Variants in MTOR observed in about 807,000 individuals in gnomAD.
MTOR encodes serine/threonine-protein kinase mTOR.
In MTOR, 70 loss-of-function variants were observed where a neutral mutation model predicts 319.8. That is an observed-to-expected ratio of 0.22 (90% CI 0.18 to 0.27). The LOEUF is 0.27. Among genes scored for constraint, MTOR ranks in the 10% least tolerant of loss-of-function variants. The pLI is 1.00. For missense variants in MTOR, 1,890 were observed against 3,274.4 expected, an observed-to-expected ratio of 0.58 and a Z score of 10.32; for synonymous variants, 1,183 against 1,211.4, an observed-to-expected ratio of 0.98 and a Z score of 0.49.
In MTOR at chr1:11,107,441, C is replaced by A. The variant is rs1164885056; in HGVS notation, c.*44G>T. 6.2e-7 allele frequency: 1 copy of A among 1,600,730 alleles called. No homozygotes were observed. The highest frequency in any genetic ancestry group is 1.1e-5 in the South Asian group (1 of 87,780). ...TTTAGTGGAAGCATTTACTAAAGTA[C>A]AAAAGCCTCAGAAAAAACGTGATGG... On this transcript the variant is annotated 3_prime_UTR_variant, in exon 58 of 58. Transcript: ENST00000361445.
chr1:11,247,377 A>C (rs1014706123), intron 8 of MTOR, among the ~76,000 whole-genome samples: 1 of 152,160 alleles, frequency 6.6e-6, no homozygotes, highest in Non-Finnish European at 1.5e-5. Context: ...TCTACTTGTG[A>C]ACTTGTTGGC....
chr1:11,246,302 G>C (rs993054720), intron 8 of MTOR, among the ~76,000 whole-genome samples: 5 of 152,196 alleles, frequency 3.3e-5, no homozygotes, highest in African/African-American at 1.2e-4. Flanking sequence ...CAAGGGTAAT[G>C]TGCCAGACTT....
chr1:11,254,067 C>A, intron 5 of MTOR, 94 bp from the exon 6 acceptor site: 1 of 1,444,054 alleles, frequency 6.9e-7, no homozygotes, highest in East Asian at 2.3e-5. Context: ...TTCTGAGGTG[C>A]TACCACGCCT....
intron 25 of MTOR, among the ~76,000 whole-genome samples, chr1:11,208,987 C>T (rs905865778): frequency 1.3e-5 from 2 of 152,222 alleles, no homozygotes; most frequent in African/African-American, 4.8e-5. Context: ...AAAGAGCCTT[C>T]ATCAGTCTCA....
chr1:11,179,884 G>A (rs758000714), intron 28 of MTOR, among the ~76,000 whole-genome samples: 1 of 152,208 alleles, frequency 6.6e-6, no homozygotes, highest in Non-Finnish European at 1.5e-5. Flanking sequence ...CCCTTCTGAA[G>A]TCAGCACGAA....
chr1:11,156,634 T>C (rs1295635959), intron 30 of MTOR, among the ~76,000 whole-genome samples: 1 of 152,154 alleles, frequency 6.6e-6, no homozygotes, highest in African/African-American at 2.4e-5. Flanking sequence ...TCTCAGGCTA[T>C]AATAACCCTC....
chr1:11,160,399 T>C (rs899922893), intron 29 of MTOR, among the ~76,000 whole-genome samples: 13 of 152,116 alleles, frequency 8.5e-5, no homozygotes, highest in Non-Finnish European at 1.6e-4. Flanking sequence ...TGCGCCCGGC[T>C]GTATAGCATA....
At position 11,231,003 on chromosome 1, in the gene MTOR, C is replaced by G; in HGVS notation, c.2701G>C (p.Val901Leu). The G allele has an allele frequency of 6.2e-7, 1 of 1,614,166 alleles. No homozygotes were observed. Among genetic ancestry groups the G allele is most frequent in the Non-Finnish European group, 8.5e-7 (1 of 1,180,016 alleles). Residue 901 changes from valine (V) to leucine (L), a missense_variant, in exon 18 of 58, where the codon GTG becomes CTG. Physicochemically the swap from Val to Leu is conservative, Grantham distance 32 (BLOSUM62 1). Around this residue, in one of 15 missense-constraint regions of MTOR, gnomAD observed 377 missense variants for 653.9 expected, o/e 0.58. Transcript: ENST00000361445. ...GACTGGTCTATCATGCCAATGTTCA[C>G]TTTGTGCTTGTAAGGATCCAAAGCC... ...LGALDPYKHKVNIGMIDQSRD... is the reference protein window; with the variant it reads ...LGALDPYKHKLNIGMIDQSRD...
intron 25 of MTOR, 51 bp from the exon 26 acceptor site, chr1:11,204,754 G>A: frequency 6.4e-7 from 1 of 1,566,430 alleles, no homozygotes; most frequent in African/African-American, 1.4e-5. Flanking sequence ...AGGGCCAATT[G>A]AAAAAAGTCC....
chr1:11,107,371 T>C lies in MTOR; in HGVS notation c.*114A>G. ...TATACAGTAGTTCTTTTCATTTACA[T>C]TTCAAAATATTTAACAAAGTCAAAC... On this transcript the variant is annotated 3_prime_UTR_variant, in exon 58 of 58. Coordinates refer to ENST00000361445, the MANE Select transcript of MTOR (RefSeq NM_004958.4). 6 of 1,554,904 alleles carry C rather than the reference T, an allele frequency of 3.9e-6. No individual in the cohort carries two copies. Among genetic ancestry groups the C allele is most frequent in the Non-Finnish European group, 5.2e-6 (6 of 1,158,064 alleles).
Position 11,116,986 on chromosome 1 carries a change from C to T in MTOR, c.7016+18G>A, listed in dbSNP as rs376956524. ...CAATGGAGAAAGAAGACTAAAAAAA[C>T]CAAATTAAATTACTCACCTATCTCC... On this transcript the variant is annotated intron_variant, in intron 50 of 57. Transcript: ENST00000361445. 5.0e-6 allele frequency: 8 copies of T among 1,584,162 alleles called. No homozygotes were observed. The East Asian group carries it at 8.9e-5, about 18-fold the overall frequency.
chr1:11,217,066 G>A (rs1410356815), intron 19 of MTOR, among the ~76,000 whole-genome samples: 1 of 152,104 alleles, frequency 6.6e-6, no homozygotes, highest in African/African-American at 2.4e-5. Context: ...TTGATTATGG[G>A]TATTGTAGCT....
intron 1 of MTOR, among the ~76,000 whole-genome samples, chr1:11,261,416 G>A (rs796069397): frequency 4.6e-5 from 7 of 151,950 alleles, no homozygotes; most frequent in African/African-American, 1.7e-4. Context: ...AGCTTGCAGT[G>A]AGCAGAGATC....
intron 19 of MTOR, among the ~76,000 whole-genome samples, chr1:11,222,448 C>T (rs183664431): frequency 6.9e-4 from 105 of 152,264 alleles, no homozygotes; most frequent in African/African-American, 1.8e-3. Flanking sequence ...CCACCCGCCT[C>T]GGCCTCCCAA....
intron 34 of MTOR, among the ~76,000 whole-genome samples, chr1:11,142,236 C>G (rs1241671437): frequency 6.6e-6 from 1 of 151,046 alleles, no homozygotes; most frequent in Non-Finnish European, 1.5e-5. Flanking sequence ...ATCAGAAGGC[C>G]AGGCATGGTG....
chr1:11,245,937 T>G (rs1333455196), intron 8 of MTOR, among the ~76,000 whole-genome samples: 1 of 152,174 alleles, frequency 6.6e-6, no homozygotes, highest in Non-Finnish European at 1.5e-5. Context: ...AGTATAATTT[T>G]CTTTCCTGGA....
Position 11,253,894 on chromosome 1 carries a change from T to C in MTOR, c.785A>G (p.His262Arg). The change falls in exon 6 of 58, where the codon CAT (histidine) becomes CGT (arginine). Residue 262 changes from histidine (H) to arginine (R), a missense_variant. Physicochemically the swap from His to Arg is conservative, Grantham distance 29. Around this residue, in one of 15 missense-constraint regions of MTOR, gnomAD observed 418 missense variants for 543.1 expected, o/e 0.77. Transcript: ENST00000361445. ...CTCGTTAAGGATCAACAAGGCTCCA[T>C]GGATCCGATCATCCCGATTCATGCC... ...EKGMNRDDRI[H>R]GALLILNELV... The C allele has an allele frequency of 1.2e-6, 2 of 1,614,150 alleles. No homozygotes were observed. Among genetic ancestry groups the C allele is most frequent in the East Asian group, 2.2e-5 (1 of 44,880 alleles).
intron 29 of MTOR, among the ~76,000 whole-genome samples, chr1:11,164,817 T>C (rs1320161201): frequency 2.0e-5 from 3 of 152,142 alleles, no homozygotes; most frequent in Admixed American, 2.0e-4. Context: ...TTTAGACCAA[T>C]ATCCCTGATG....
rs892227088 is a variant in MTOR at position 11,121,567 on chromosome 1, A to G, written c.6811-199T>C. Among the ~76,000 whole-genome samples, 58 of 152,362 alleles carry G rather than the reference A, an allele frequency of 3.8e-4. No homozygotes were observed. Among genetic ancestry groups the G allele is most frequent in the African/African-American group, 1.4e-3 (58 of 41,588 alleles). ...CTGATGACCACTGGAACCCCAAGGC[A>G]TAAGGGAAAAACACGAGACTTCACC... On this transcript the variant is annotated intron_variant, in intron 48 of 57. Coordinates refer to ENST00000361445, the MANE Select transcript of MTOR (RefSeq NM_004958.4). This position sits in a 1 kb window ranked among gnomAD's most constrained non-coding sequence, Gnocchi z 4.9.
Sources: allele counts gnomAD v4.1 joint callset (sites outside exome capture counted in the v4.1 genomes callset), GRCh38; gene constraint gnomAD v4.1.1; regional missense constraint gnomAD v4.1.1; non-coding constraint Gnocchi (gnomAD v3.1); transcripts MANE v1.5; gene names NCBI Gene and HGNC (gene_info 2026-07-23, HGNC 2026-07-21).